Variants in TRAP1 observed in about 807,000 individuals in gnomAD.
The protein encoded by TRAP1 is heat shock protein 75 kDa, mitochondrial.
A neutral mutation model predicts 89.1 loss-of-function variants in TRAP1; 102 were observed. The observed-to-expected ratio is 1.15, with a 90% confidence interval of 0.98 to 1.35. The LOEUF (loss-of-function observed/expected upper bound fraction) is 1.35, where lower values mean the gene tolerates loss of function less well. Ranked by LOEUF, TRAP1 falls within the 40% of genes most tolerant of loss-of-function variation. The pLI, the probability that TRAP1 is intolerant of heterozygous loss-of-function variation, is 0.00. For synonymous variants in TRAP1, 508 were observed against 388.0 expected, an observed-to-expected ratio of 1.31 and a Z score of -3.64; for missense variants, 1,256 against 945.3, an observed-to-expected ratio of 1.33 and a Z score of -4.31.
intron 1 of TRAP1, among the ~76,000 whole-genome samples, chr16:3,703,324 C>T (rs369811138): frequency 2.0e-5 from 3 of 151,396 alleles, no homozygotes; most frequent in Non-Finnish European, 2.9e-5. Context: ...TACTCACAAG[C>T]GGAGGACTAA....
chr16:3,703,704 C>A (rs1263454043), intron 1 of TRAP1, among the ~76,000 whole-genome samples: 2 of 151,918 alleles, frequency 1.3e-5, no homozygotes, highest in Admixed American at 6.6e-5. Context: ...AAAATAAATA[C>A]CCTACTTATA....
chr16:3,701,939 G>C (rs955621399), intron 1 of TRAP1, among the ~76,000 whole-genome samples: 1 of 151,878 alleles, frequency 6.6e-6, no homozygotes, highest in Non-Finnish European at 1.5e-5. Flanking sequence ...TGCCCGGCAC[G>C]GTGGCTCACA....
intron 12 of TRAP1, 21 bp downstream of exon 12, chr16:3,665,948 GGC>G: frequency 6.2e-7 from 1 of 1,601,038 alleles, no homozygotes; most frequent in East Asian, 2.3e-5. Context: ...CCCAGAAAAA[GGC>G]CTGGAACACA....
chr16:3,665,648 G>A (rs1453168757), intron 12 of TRAP1, among the ~76,000 whole-genome samples: 1 of 152,144 alleles, frequency 6.6e-6, no homozygotes, highest in Non-Finnish European at 1.5e-5. Context: ...CCTGTCTGTG[G>A]CTCCCCAGCC....
chr16:3,679,581 A>T, intron 5 of TRAP1, 138 bp downstream of exon 5: 1 of 826,212 alleles, frequency 1.2e-6, no homozygotes, highest in Non-Finnish European at 2.0e-6. Context: ...TCATGTCATG[A>T]GGTGTTCCCA....
intron 11 of TRAP1, among the ~76,000 whole-genome samples, chr16:3,668,683 C>G (rs560400301): frequency 6.6e-6 from 1 of 152,184 alleles, no homozygotes; most frequent in Admixed American, 6.5e-5. Context: ...GGGATGAGGA[C>G]CCCTGCTCTG....
rs536942957 is a variant in TRAP1, at chr16:3,663,874, C to G, written c.1570-312G>C. The G allele has an allele frequency of 7.1e-5, 27 of 378,918 alleles. No individual in the cohort carries two copies. The Admixed American group carries it at 8.7e-4, about 12-fold the overall frequency. 23.5% of individuals were successfully genotyped at this position (378,918 alleles called of 1,614,324 possible). On this transcript the variant is annotated intron_variant, in intron 13 of 17. Transcript: ENST00000246957. ...AGATCATGAGGTCAGGAGTTCGAGA[C>G]CAACATGGTGAAATGCCGTCTCTAT...
At chr16:3,709,004 A>G (rs2151283960) in intron 1 of TRAP1, among the ~76,000 whole-genome samples, 1 of 151,772 alleles carries the variant, frequency 6.6e-6, no homozygotes, top group Non-Finnish European at 1.5e-5. Context: ...TTTAGTAGAG[A>G]TGGGGTTTCA....
At chr16:3,680,960 T>C (rs1036255344) in intron 4 of TRAP1, among the ~76,000 whole-genome samples, 2 of 152,094 alleles carry the variant, frequency 1.3e-5, no homozygotes, top group African/African-American at 4.8e-5. Flanking sequence ...AATTGCCCAG[T>C]CTAAGGTATT....
At chr16:3,677,742 G>A (rs891396654) in intron 5 of TRAP1, 84 bp from the exon 6 acceptor site, 31 of 1,469,752 alleles carry the variant, frequency 2.1e-5, no homozygotes, top group Admixed American at 6.3e-5. Context: ...TGCGAGCACC[G>A]CTAAGACCCC....
intron 13 of TRAP1, chr16:3,664,010 C>CCGAG: frequency 5.0e-6 from 2 of 400,648 alleles, no homozygotes; most frequent in Non-Finnish European, 8.9e-6. Context: ...TTGCAGTGAG[C>CCGAG]CGAGATCGCA....
At chr16:3,692,471 G>C (rs1236743422) in intron 1 of TRAP1, among the ~76,000 whole-genome samples, 1 of 151,320 alleles carries the variant, frequency 6.6e-6, no homozygotes, top group Non-Finnish European at 1.5e-5. Context: ...GGGAAGTGGA[G>C]GTTGCAGTGA....
chr16:3,658,991 G>A (rs958815544), intron 16 of TRAP1, 126 bp from the exon 17 acceptor site: 5 of 878,054 alleles, frequency 5.7e-6, no homozygotes, highest in African/African-American at 5.0e-5. Flanking sequence ...TTTAAATAAG[G>A]TATGTTAATG....
At chr16:3,702,106 C>G (rs372284878) in intron 1 of TRAP1, among the ~76,000 whole-genome samples, 23 of 149,338 alleles carry the variant, frequency 1.5e-4, no homozygotes, top group African/African-American at 4.9e-4. Context: ...CTGGGCGACA[C>G]AGTGAGACTC....
At chr16:3,676,801 A>T (rs2051002547) in intron 6 of TRAP1, 1 of 152,406 alleles carries the variant, frequency 6.6e-6, no homozygotes, top group African/African-American at 2.4e-5. Context: ...CACGTCTATA[A>T]TCCCAGCACT....
rs2043170080 is a variant in TRAP1, at chr16:3,662,961, T to A, written c.1715A>T (p.Glu572Val). The change falls in exon 15 of 18, where the codon GAG becomes GTG. Residue 572 changes from glutamate to valine, a missense_variant. Transcript: ENST00000246957. ...EKFEDRSPAA[E>V]CLSEKETEEL... Reference sequence around the variant, plus strand: ...CTCCGTCTCCTTCTCTGATAGGCACTCGGCGGCTGCGGAAGAGCAGGCGAC... The same window carrying A: ...CTCCGTCTCCTTCTCTGATAGGCACACGGCGGCTGCGGAAGAGCAGGCGAC... 1.2e-6 allele frequency: 2 copies of A among 1,609,746 alleles called. No individual in the cohort carries two copies. Among genetic ancestry groups the A allele is most frequent in the South Asian group, 2.2e-5 (2 of 90,996 alleles).
rs1388995946 is a variant in TRAP1, at chr16:3,675,324, C to G, written c.888G>C (p.Gln296His). The G allele has an allele frequency of 1.2e-6, 2 of 1,614,024 alleles. No individual in the cohort carries two copies. Among genetic ancestry groups the G allele is most frequent in the Non-Finnish European group, 1.7e-6 (2 of 1,179,894 alleles). The change falls in exon 8 of 18, where the codon CAG (glutamine) becomes CAC (histidine). Residue 296 changes from glutamine to histidine, a missense_variant and splice_region_variant. By Grantham distance (24) the Gln-to-His change is conservative. Transcript: ENST00000246957. The stretch of plus-strand genomic sequence containing the variant: ...GTCCCTAGAGGAACTCAGGGCTCAC[C>G]TGCAAGGTGTTCATCCGCCTTCCAT... ...YLNGRRMNTLQAIWMMDPKDV... is the reference protein window; with the variant it reads ...YLNGRRMNTLHAIWMMDPKDV...
intron 10 of TRAP1, 146 bp from the exon 11 acceptor site, chr16:3,671,937 G>A (rs2050919683): frequency 2.4e-6 from 2 of 840,610 alleles, no homozygotes; most frequent in African/African-American, 1.7e-5. Flanking sequence ...CACTGCCGGA[G>A]CTTCCTCTAC....
intron 1 of TRAP1, among the ~76,000 whole-genome samples, chr16:3,694,931 G>C (rs1000407754): frequency 6.6e-6 from 1 of 152,178 alleles, no homozygotes; most frequent in African/African-American, 2.4e-5. Context: ...TTCCTCCTGA[G>C]GCTGGGAGGG....
Sources: allele counts gnomAD v4.1 joint callset (sites outside exome capture counted in the v4.1 genomes callset), GRCh38; gene constraint gnomAD v4.1.1; transcripts MANE v1.5; gene names NCBI Gene and HGNC (gene_info 2026-07-23, HGNC 2026-07-21).